ARHGAP20: variants seen among roughly 807,000 people sequenced by gnomAD.
ARHGAP20 encodes the protein rho GTPase-activating protein 20.
A neutral mutation model predicts 73.7 loss-of-function variants in ARHGAP20; 34 were observed. The ratio of observed to expected loss-of-function variants is 0.46; its 90% CI spans 0.35 to 0.61. The LOEUF is 0.61. Among genes scored for constraint, ARHGAP20 ranks in the 20% least tolerant of loss-of-function variants. The pLI is 0.00. For missense variants in ARHGAP20, 1,314 were observed against 1,420.9 expected (o/e 0.92, Z 1.21); for synonymous variants, 523 against 518.2 (o/e 1.01, Z -0.13).
intron 11 of ARHGAP20, among the ~76,000 whole-genome samples, chr11:110,588,715 T>C (rs1178805887): frequency 6.6e-6 from 1 of 152,204 alleles, no homozygotes; most frequent in Non-Finnish European, 1.5e-5. Flanking sequence ...ATAGCATCAA[T>C]AGTTTAGCAC....
At chr11:110,656,293 C>A (rs746846742) in intron 2 of ARHGAP20, among the ~76,000 whole-genome samples, 3 of 152,040 alleles carry the variant, frequency 2.0e-5, no homozygotes, top group Non-Finnish European at 4.4e-5. Flanking sequence ...TGTACCTGAG[C>A]CTCTGAGGTA....
intron 2 of ARHGAP20, among the ~76,000 whole-genome samples, chr11:110,647,159 T>G (rs974493004): frequency 6.7e-6 from 1 of 149,888 alleles, no homozygotes; most frequent in Non-Finnish European, 1.5e-5. Context: ...TAGATTGATT[T>G]TGTGTGTGTG....
chr11:110,606,159 G>A (rs1419714229), intron 9 of ARHGAP20, among the ~76,000 whole-genome samples: 1 of 152,188 alleles, frequency 6.6e-6, no homozygotes, highest in Non-Finnish European at 1.5e-5. Context: ...CTAGAATCCA[G>A]GTAGGGCATC....
intron 2 of ARHGAP20, among the ~76,000 whole-genome samples, chr11:110,632,636 C>A (rs989345601): frequency 2.0e-5 from 3 of 152,174 alleles, no homozygotes; most frequent in African/African-American, 7.2e-5. Context: ...AACTCATGAC[C>A]TCAGATGATC....
chr11:110,580,781 T>C lies in ARHGAP20; in HGVS notation c.2165A>G (p.Tyr722Cys), dbSNP rs140192944. 454 of 1,614,080 alleles carry C rather than the reference T, an allele frequency of 2.8e-4. 4 individuals carry two copies. The East Asian group carries it at 9.5e-3, about 34-fold the overall frequency. Residue 722 changes from tyrosine to cysteine, a missense_variant, in exon 15 of 15, where the codon TAT (tyrosine) becomes TGT (cysteine). Physicochemically the swap from Tyr to Cys is radical, Grantham distance 194. Around this residue, in one of 3 missense-constraint regions of ARHGAP20, gnomAD observed 641 missense variants for 636.9 expected, o/e 1.01. Coordinates refer to ENST00000683387, the MANE Select transcript of ARHGAP20 (RefSeq NM_001384657.1). ...DSKLSYLREF[Y>C]QKKLRKSSCD... is the part of the protein sequence containing the mutation. Reference sequence around the variant, plus strand: ...GCTGGACTTGCGTAGCTTTTTCTGATAAAACTCCCTGAGGTAGGAAAGCTT... The same window carrying C: ...GCTGGACTTGCGTAGCTTTTTCTGACAAAACTCCCTGAGGTAGGAAAGCTT...
chr11:110,691,563 C>G (rs1384716780), intron 1 of ARHGAP20, among the ~76,000 whole-genome samples: 1 of 152,142 alleles, frequency 6.6e-6, no homozygotes. Flanking sequence ...CTAGGCAGCT[C>G]AGTGTCGGTA....
intron 1 of ARHGAP20, among the ~76,000 whole-genome samples, chr11:110,696,364 T>G (rs975347624): frequency 6.6e-6 from 1 of 151,674 alleles, no homozygotes; most frequent in African/African-American, 2.4e-5. Flanking sequence ...ACCAAATTAC[T>G]AAACCACTGG....
chr11:110,666,686 A>G (rs1434737164), intron 2 of ARHGAP20, among the ~76,000 whole-genome samples: 4 of 152,206 alleles, frequency 2.6e-5, no homozygotes, highest in Non-Finnish European at 5.9e-5. Flanking sequence ...ATCACTTCAC[A>G]TTCCCATCAC....
chr11:110,616,862 A>C (rs1402182138), intron 4 of ARHGAP20, among the ~76,000 whole-genome samples: 1 of 152,114 alleles, frequency 6.6e-6, no homozygotes, highest in South Asian at 2.1e-4. Context: ...AGACCTGCTA[A>C]CTTTTTTCAA....
intron 5 of ARHGAP20, 142 bp downstream of exon 5, chr11:110,615,411 T>C (rs1226946766): frequency 3.0e-6 from 2 of 658,038 alleles, no homozygotes; most frequent in Non-Finnish European, 5.2e-6. Flanking sequence ...TAGTGTACGA[T>C]ATAAACGGCA....
chr11:110,597,778 C>T (rs747331665), intron 9 of ARHGAP20, among the ~76,000 whole-genome samples: 4 of 152,158 alleles, frequency 2.6e-5, no homozygotes, highest in Non-Finnish European at 5.9e-5. Context: ...TGTAGCCATG[C>T]CTTTTATTAT....
intron 9 of ARHGAP20, among the ~76,000 whole-genome samples, chr11:110,597,587 T>C (rs1177060157): frequency 6.6e-6 from 1 of 152,146 alleles, no homozygotes; most frequent in Admixed American, 6.5e-5. Flanking sequence ...CGTGAGCCAC[T>C]GTACACAGCC....
At chr11:110,711,599 G>C (rs1430502978) in intron 1 of ARHGAP20, 1 of 1,483,590 alleles carries the variant, frequency 6.7e-7, no homozygotes, top group Admixed American at 2.2e-5. Flanking sequence ...TGGAGCAGCC[G>C]CGCCTCGGCG....
In ARHGAP20 at chr11:110,578,542, G is replaced by C. The variant is rs1355349663; in HGVS notation, c.*828C>G. The C allele has an allele frequency of 1.0e-6, 1 of 985,412 alleles. No individual in the cohort carries two copies. The highest frequency in any genetic ancestry group is 1.2e-6 in the Non-Finnish European group (1 of 829,944). 61.0% of individuals were successfully genotyped at this position (985,412 alleles called of 1,614,324 possible). ...CCATATTGAGAGTGAACGCTGTCAG[G>C]AGGTCACCTTCTAAATAGAAGAAGT... On this transcript the variant is annotated 3_prime_UTR_variant, in exon 15 of 15. Coordinates refer to ENST00000683387, the MANE Select transcript of ARHGAP20 (RefSeq NM_001384657.1).
At chr11:110,666,356 T>A (rs1260450174) in intron 2 of ARHGAP20, among the ~76,000 whole-genome samples, 1 of 152,168 alleles carries the variant, frequency 6.6e-6, no homozygotes, top group Non-Finnish European at 1.5e-5. Flanking sequence ...GTCAAGCTGA[T>A]TCACAAAATA....
rs1950688363 is a variant in ARHGAP20, at chr11:110,712,416, A to C, written c.-185T>G. 6.5e-6 allele frequency: 2 copies of C among 305,816 alleles called. No homozygotes were observed. The highest frequency in any genetic ancestry group is 5.8e-6 in the Non-Finnish European group (1 of 172,312). 18.9% of individuals were successfully genotyped at this position (305,816 alleles called of 1,614,324 possible). On this transcript the variant is annotated 5_prime_UTR_variant, in exon 1 of 15. Transcript: ENST00000683387. ...CCATGTACCTCCGCCTGCGCTCGAC[A>C]CCGCGGGCTGGAGGCGAGTGCAGCG... is the stretch of plus-strand genomic sequence containing the variant.
intron 3 of ARHGAP20, 66 bp from the exon 4 acceptor site, chr11:110,624,377 C>G (rs531975784): frequency 4.6e-5 from 61 of 1,328,468 alleles, no homozygotes; most frequent in Non-Finnish European, 5.7e-5. Flanking sequence ...GGGAGCTTCT[C>G]TGGAAGGCAT....
intron 1 of ARHGAP20, among the ~76,000 whole-genome samples, chr11:110,706,732 AC>A (rs933913509): frequency 1.3e-5 from 2 of 152,246 alleles, no homozygotes; most frequent in South Asian, 2.1e-4. Context: ...ATACAAAGAA[AC>A]AAAGCCCAAT....
At chr11:110,603,910 T>C (rs1948164443) in intron 9 of ARHGAP20, among the ~76,000 whole-genome samples, 1 of 152,198 alleles carries the variant, frequency 6.6e-6, no homozygotes, top group African/African-American at 2.4e-5. Flanking sequence ...AGAATGTTTG[T>C]ACTCAAATTT....
Sources: gnomAD v4.1 joint callset for allele counts (sites outside exome capture counted in the v4.1 genomes callset) on GRCh38, gnomAD v4.1.1 for gene constraint, gnomAD v4.1.1 regional missense constraint, MANE v1.5 for transcripts, NCBI Gene and HGNC (gene_info 2026-07-23, HGNC 2026-07-21) for gene names.